The following GRM7 variants were observed in gnomAD, a reference collection of about 807,000 sequenced individuals.
The protein encoded by GRM7 is glutamate metabotropic receptor 7.
In GRM7, 35 loss-of-function variants were observed where a neutral mutation model predicts 84.5. That is an observed-to-expected ratio of 0.41 (90% CI 0.32 to 0.55). The LOEUF (loss-of-function observed/expected upper bound fraction) is 0.55. Among genes scored for constraint, GRM7 ranks in the 20% least tolerant of loss-of-function variants. The pLI, the probability that GRM7 is intolerant of heterozygous loss-of-function variation, is 0.19. For missense variants in GRM7, 1,003 were observed against 1,194.6 expected, an observed-to-expected ratio of 0.84 and a Z score of 2.36; for synonymous variants, 487 against 455.1, an observed-to-expected ratio of 1.07 and a Z score of -0.89.
At position 6,871,478 on chromosome 3, in the gene GRM7, C is replaced by A. The variant is rs1695118624; in HGVS notation, c.519+9571C>A. On this transcript the variant is annotated intron_variant, in intron 1 of 9. Transcript: ENST00000357716. ...CTTAAAATATGCCTATGCATACTTA[C>A]TTTCAACAATTTCACCAGGCATTTC... Among the ~76,000 whole-genome samples the A allele has an allele frequency of 2.0e-5, 3 of 151,840 alleles. No homozygotes were observed. In the South Asian group the frequency reaches 6.2e-4, roughly 32 times the overall value.
At chr3:7,649,650 C>G (rs186937791) in intron 8 of GRM7, among the ~76,000 whole-genome samples, 137 of 152,192 alleles carry the variant, frequency 9.0e-4, no homozygotes, top group African/African-American at 3.2e-3. Context: ...CCATCATCAC[C>G]TTTGTAACAC....
chr3:7,471,607 C>T (rs1698705006), intron 7 of GRM7, among the ~76,000 whole-genome samples: 1 of 152,076 alleles, frequency 6.6e-6, no homozygotes. Context: ...CTTCCTCTTC[C>T]ACTTTGAAAG....
chr3:7,139,750 T>C (rs1189267420), intron 1 of GRM7, among the ~76,000 whole-genome samples: 2 of 151,984 alleles, frequency 1.3e-5, no homozygotes, highest in Non-Finnish European at 2.9e-5. Flanking sequence ...TCCTTGATAT[T>C]GGCCTTGGCA....
At chr3:6,957,703 T>G (rs1693117055) in intron 1 of GRM7, among the ~76,000 whole-genome samples, 1 of 152,192 alleles carries the variant, frequency 6.6e-6, no homozygotes, top group African/African-American at 2.4e-5. Flanking sequence ...CATCCCCTAC[T>G]GCTCTATTGT....
At chr3:7,248,301 A>G (rs1052280140) in intron 2 of GRM7, among the ~76,000 whole-genome samples, 1 of 152,204 alleles carries the variant, frequency 6.6e-6, no homozygotes, top group Non-Finnish European at 1.5e-5. Flanking sequence ...GGAATGAACT[A>G]CTAATACACA....
At chr3:6,922,407 A>G (rs1358415652) in intron 1 of GRM7, among the ~76,000 whole-genome samples, 2 of 152,346 alleles carry the variant, frequency 1.3e-5, no homozygotes, top group Non-Finnish European at 2.9e-5. Context: ...AAAATGGCCT[A>G]GCATTCTCCA....
chr3:7,550,567 CTCTCTCTCTCTGTGTGTGTGTG>C (rs879441002), intron 7 of GRM7, among the ~76,000 whole-genome samples: 3,648 of 101,754 alleles, frequency 0.036, 75 homozygotes, highest in Non-Finnish European at 0.057. Flanking sequence ...CTCTCTCTCT[CTCTCTCTCTCTGTGTGTGTGTG>C]TGTGTGTGTG....
At chr3:7,634,807 GAAAAAGAAAAAGA>G (rs1698013261) in intron 8 of GRM7, among the ~76,000 whole-genome samples, 1 of 142,262 alleles carries the variant, frequency 7.0e-6, no homozygotes, top group Non-Finnish European at 1.5e-5. Context: ...AAAAAAAAAA[GAAAAAGAAAAAGA>G]AAAAAGAAAT....
At chr3:7,375,222 T>C (rs1694297222) in intron 4 of GRM7, among the ~76,000 whole-genome samples, 1 of 149,182 alleles carries the variant, frequency 6.7e-6, no homozygotes, top group African/African-American at 2.5e-5. Flanking sequence ...CCCTTTTTTT[T>C]TTTTTTTTTT....
At chr3:7,545,099 CAG>C (rs1693082448) in intron 7 of GRM7, among the ~76,000 whole-genome samples, 1 of 152,190 alleles carries the variant, frequency 6.6e-6, no homozygotes, top group Admixed American at 6.5e-5. Context: ...TGAGGATTAA[CAG>C]AGTCATGTAA....
At chr3:6,948,305 G>C (rs150223742) in intron 1 of GRM7, among the ~76,000 whole-genome samples, 4 of 152,092 alleles carry the variant, frequency 2.6e-5, no homozygotes, top group African/African-American at 9.7e-5. Flanking sequence ...CCTTCATTTT[G>C]TTATGTACCC....
intron 4 of GRM7, among the ~76,000 whole-genome samples, chr3:7,349,892 A>G (rs1347904763): frequency 2.6e-5 from 4 of 151,686 alleles, no homozygotes; most frequent in South Asian, 2.1e-4. Flanking sequence ...TTTTCTTTTC[A>G]TGAAGCAATT....
At chr3:7,588,071 C>T (rs1411780196) in intron 8 of GRM7, among the ~76,000 whole-genome samples, 1 of 152,078 alleles carries the variant, frequency 6.6e-6, no homozygotes, top group Non-Finnish European at 1.5e-5. Context: ...GACTGCAACA[C>T]CATAATAATG....
chr3:7,180,784 T>A (rs1471340805), intron 2 of GRM7, among the ~76,000 whole-genome samples: 1 of 152,190 alleles, frequency 6.6e-6, no homozygotes, highest in Non-Finnish European at 1.5e-5. Context: ...AAATGTTCCA[T>A]CTGACCAGTA....
At chr3:7,276,792 T>TCCCTCCCTCCC (rs1559546974) in intron 2 of GRM7, among the ~76,000 whole-genome samples, 1 of 5,034 alleles carries the variant, frequency 2.0e-4, no homozygotes, top group Non-Finnish European at 5.2e-4. Flanking sequence ...CCTTCCTTCC[T>TCCCTCCCTCCC]TCCTTCCTTC....
At chr3:7,714,121 TG>T (rs1701691762) in intron 9 of GRM7, among the ~76,000 whole-genome samples, 1 of 152,166 alleles carries the variant, frequency 6.6e-6, no homozygotes, top group Non-Finnish European at 1.5e-5. Flanking sequence ...TGAAAGAAAC[TG>T]GGATGGAGAA....
At chr3:7,327,408 G>A (rs7618814) in intron 4 of GRM7, among the ~76,000 whole-genome samples, 7,438 of 152,078 alleles carry the variant, frequency 0.049, 546 homozygotes, top group African/African-American at 0.16. Flanking sequence ...AGAAAGAAAA[G>A]AACTATTGCT....
At chr3:7,701,413 G>T (rs1238665443) in intron 9 of GRM7, among the ~76,000 whole-genome samples, 1 of 148,750 alleles carries the variant, frequency 6.7e-6, no homozygotes. Context: ...CCATTCTCCT[G>T]CCTCAGCCTC....
intron 2 of GRM7, among the ~76,000 whole-genome samples, chr3:7,186,479 A>G (rs1268868579): frequency 6.6e-6 from 1 of 152,224 alleles, no homozygotes; most frequent in Non-Finnish European, 1.5e-5. Flanking sequence ...ATTTGTTTGT[A>G]CTGATTACCC....
Sources: allele counts gnomAD v4.1 joint callset (sites outside exome capture counted in the v4.1 genomes callset), GRCh38; gene constraint gnomAD v4.1.1; transcripts MANE v1.5; gene names NCBI Gene and HGNC (gene_info 2026-07-23, HGNC 2026-07-21).